EIF3L: variants seen among roughly 807,000 people sequenced by gnomAD.
EIF3L encodes the protein eIEF associated protein HSPC021.
In EIF3L, 32 loss-of-function variants were observed where a neutral mutation model predicts 74.6. The observed-to-expected ratio is 0.43, with a 90% CI of 0.32 to 0.58. The LOEUF is 0.58. EIF3L is among the 20% of genes least tolerant of loss of function. The probability of loss-of-function intolerance (pLI) is 0.06; values close to 1 mark genes in which losing one functional copy is unlikely to be tolerated. For missense variants in EIF3L, 474 were observed against 707.8 expected (o/e 0.67, Z 3.75); for synonymous variants, 256 against 254.4 (o/e 1.01, Z -0.06).
chr22:37,879,288 C>T (rs1331308288), intron 11 of EIF3L: 1 of 152,210 alleles, frequency 6.6e-6, no homozygotes, highest in Non-Finnish European at 1.5e-5. Context: ...ATCATGGGGT[C>T]AAGAGATCAA....
chr22:37,850,407 C>T (rs1925126586), intron 2 of EIF3L: 1 of 248,234 alleles, frequency 4.0e-6, no homozygotes, highest in Admixed American at 5.2e-5. Flanking sequence ...GATCTCGGCT[C>T]ACTGCAACCT....
intron 3 of EIF3L, among the ~76,000 whole-genome samples, chr22:37,854,127 G>C (rs1925371920): frequency 6.6e-6 from 1 of 152,164 alleles, no homozygotes; most frequent in African/African-American, 2.4e-5. Context: ...GTTTCTTTAG[G>C]GATGGGTGGG....
At chr22:37,866,700 C>T (rs531115264) in intron 7 of EIF3L, among the ~76,000 whole-genome samples, 8 of 152,114 alleles carry the variant, frequency 5.3e-5, no homozygotes, top group East Asian at 1.9e-4. Context: ...GCAGGAGAAT[C>T]GCTTGAACCT....
chr22:37,858,554 T>G (rs1244506446), intron 4 of EIF3L, 125 bp from the exon 5 acceptor site: 1 of 820,014 alleles, frequency 1.2e-6, no homozygotes, highest in East Asian at 2.5e-5. Flanking sequence ...TTGGGGCATA[T>G]GCATAGCAAT....
At position 37,850,068 on chromosome 22, in the gene EIF3L, G is replaced by T; in HGVS notation, c.82+5G>T. On this transcript the variant is annotated splice_donor_5th_base_variant and intron_variant, in intron 2 of 12. Transcript: ENST00000652021. ...GCGACTATGATATGCACACAGGTGA[G>T]ACCACGGGTTAGGCTGGCTGAGTAC... is the stretch of plus-strand genomic sequence containing the variant. 2 of 1,613,442 alleles carry T rather than the reference G, an allele frequency of 1.2e-6. No homozygotes were observed. The highest frequency in any genetic ancestry group is 2.2e-5 in the South Asian group (2 of 91,070).
At chr22:37,888,106 A>G (rs879703858) in intron 12 of EIF3L, 1 of 280,308 alleles carries the variant, frequency 3.6e-6, no homozygotes, top group Non-Finnish European at 6.6e-6. Flanking sequence ...ATCCTGTTCA[A>G]AGCTTCTCAT....
intron 11 of EIF3L, chr22:37,884,687 C>T (rs2145845122): frequency 6.6e-6 from 1 of 152,104 alleles, no homozygotes; most frequent in African/African-American, 2.4e-5. Context: ...ACTTGTAGTC[C>T]CAGCTATGGG....
intron 11 of EIF3L, 35 bp downstream of exon 11, chr22:37,878,206 A>G: frequency 1.3e-6 from 2 of 1,554,078 alleles, no homozygotes. Context: ...GTCTTGTATT[A>G]AGTGTTCAGT....
At chr22:37,855,700 T>A in intron 4 of EIF3L, 56 bp downstream of exon 4, 1 of 1,464,594 alleles carries the variant, frequency 6.8e-7, no homozygotes, top group Non-Finnish European at 9.5e-7. Context: ...GGCTGAGTCA[T>A]TAGACAGGAA....
At chr22:37,885,058 A>G (rs548210498) in intron 11 of EIF3L, 2 of 151,858 alleles carry the variant, frequency 1.3e-5, no homozygotes, top group East Asian at 3.9e-4. Flanking sequence ...AGCTGGGACT[A>G]CAGGACTGCA....
intron 11 of EIF3L, chr22:37,884,412 T>C (rs1057204153): frequency 6.6e-6 from 1 of 152,208 alleles, no homozygotes; most frequent in Non-Finnish European, 1.5e-5. Flanking sequence ...TGTGAACATA[T>C]GTTTTTAATT....
In EIF3L at chr22:37,851,368, G is replaced by A; in HGVS notation, c.171G>A (p.Gln57=). 3.1e-6 allele frequency: 5 copies of A among 1,614,146 alleles called. No individual in the cohort carries two copies. The highest frequency in any genetic ancestry group is 4.2e-6 in the Non-Finnish European group (5 of 1,180,024). Residue 57 remains glutamine (Q), a synonymous_variant, in exon 3 of 13, where the codon CAG becomes CAA. Transcript: ENST00000652021. ...CTGAGGTGATCAAAAACTTCATCCA[G>A]TATTTCCACAAAACTGTCTCAGATT... ...VIPEVIKNFI[Q]YFHKTVSDLI...
At chr22:37,885,325 A>G (rs1441986634) in intron 11 of EIF3L, 1 of 151,992 alleles carries the variant, frequency 6.6e-6, no homozygotes, top group African/African-American at 2.4e-5. Context: ...GCTATTCTCA[A>G]CTAATCTGGG....
At chr22:37,872,084 T>G (rs954442124) in intron 8 of EIF3L, among the ~76,000 whole-genome samples, 6 of 152,118 alleles carry the variant, frequency 3.9e-5, no homozygotes, top group African/African-American at 1.4e-4. Context: ...TATTCGTCAC[T>G]TCTGTAATTT....
At chr22:37,871,248 G>T (rs1048937053) in intron 8 of EIF3L, 1 of 152,222 alleles carries the variant, frequency 6.6e-6, no homozygotes. Flanking sequence ...GGCTCAAGCA[G>T]TCCTGCCTTG....
chr22:37,858,565 T>A, intron 4 of EIF3L, 114 bp from the exon 5 acceptor site: 4 of 910,376 alleles, frequency 4.4e-6, no homozygotes, highest in Non-Finnish European at 7.0e-6. Context: ...GCATAGCAAT[T>A]TAGATGTTGT....
intron 7 of EIF3L, among the ~76,000 whole-genome samples, chr22:37,865,362 A>C (rs1197591211): frequency 6.6e-6 from 1 of 151,966 alleles, no homozygotes; most frequent in Non-Finnish European, 1.5e-5. Flanking sequence ...CGGGAGGCTG[A>C]GGCAGGGGAA....
chr22:37,864,924 C>T (rs146568747), intron 7 of EIF3L, among the ~76,000 whole-genome samples: 145 of 152,296 alleles, frequency 9.5e-4, no homozygotes, highest in African/African-American at 3.2e-3. Flanking sequence ...ATCTCTAAAA[C>T]GGATTGCTGC....
chr22:37,853,546 G>A (rs1028302120), intron 3 of EIF3L, among the ~76,000 whole-genome samples: 2 of 152,144 alleles, frequency 1.3e-5, no homozygotes, highest in African/African-American at 4.8e-5. Flanking sequence ...GAGGTGGGAG[G>A]ATCACTTGAG....
Sources: allele counts gnomAD v4.1 joint callset (sites outside exome capture counted in the v4.1 genomes callset), GRCh38; gene constraint gnomAD v4.1.1; transcripts MANE v1.5; gene names NCBI Gene and HGNC (gene_info 2026-07-23, HGNC 2026-07-21).